Variants in LARP1B observed in about 807,000 individuals in gnomAD.
LARP1B encodes the protein la-related protein 1B.
LARP1B carries 76 observed loss-of-function variants against 114.2 expected under a neutral mutation model. The ratio of observed to expected loss-of-function variants is 0.67; its 90% CI spans 0.55 to 0.81. The LOEUF is 0.81. Among genes scored for constraint, LARP1B ranks in the 30% least tolerant of loss-of-function variants. The pLI is 0.00. For synonymous variants in LARP1B, 345 were observed against 348.0 expected (o/e 0.99, Z 0.10); for missense variants, 1,014 against 1,075.8 (o/e 0.94, Z 0.80).
intron 1 of LARP1B, among the ~76,000 whole-genome samples, chr4:128,072,592 T>A (rs1765809670): frequency 6.6e-6 from 1 of 152,064 alleles, no homozygotes; most frequent in Non-Finnish European, 1.5e-5. Flanking sequence ...AGTCTCACTC[T>A]GTTGCCCAGG....
chr4:128,206,611 A>G (rs1757660455), intron 18 of LARP1B, 74 bp downstream of exon 18: 1 of 1,507,950 alleles, frequency 6.6e-7, no homozygotes, highest in South Asian at 1.4e-5. Flanking sequence ...ATAGGGAAGG[A>G]GTTCATAGTT....
At chr4:128,175,212 A>G (rs902604319) in intron 12 of LARP1B, among the ~76,000 whole-genome samples, 3 of 152,136 alleles carry the variant, frequency 2.0e-5, no homozygotes, top group Non-Finnish European at 4.4e-5. Flanking sequence ...TAGATATAGG[A>G]CTGAGTATAT....
chr4:128,158,917 C>T (rs747793634), intron 11 of LARP1B, among the ~76,000 whole-genome samples: 7 of 151,962 alleles, frequency 4.6e-5, no homozygotes, highest in Middle Eastern at 3.2e-3. Flanking sequence ...TGCCTGTAAT[C>T]CCAGCTGTTC....
intron 11 of LARP1B, among the ~76,000 whole-genome samples, chr4:128,131,952 C>A (rs9991706): frequency 6.6e-6 from 1 of 152,170 alleles, no homozygotes; most frequent in Admixed American, 6.5e-5. Flanking sequence ...TTATACTCTG[C>A]TGCTGGGAAT....
intron 1 of LARP1B, among the ~76,000 whole-genome samples, chr4:128,068,356 C>T (rs1763882825): frequency 6.6e-6 from 1 of 151,428 alleles, no homozygotes; most frequent in African/African-American, 2.4e-5. Context: ...ACTTTGTCAC[C>T]CAGGCTAGCG....
intron 13 of LARP1B, among the ~76,000 whole-genome samples, chr4:128,177,952 T>C (rs1254135809): frequency 1.3e-5 from 2 of 151,758 alleles, no homozygotes; most frequent in Non-Finnish European, 2.9e-5. Flanking sequence ...AATTGTGATA[T>C]ATTTGTACAC....
intron 11 of LARP1B, chr4:128,156,232 GC>G: frequency 6.8e-7 from 1 of 1,467,978 alleles, no homozygotes; most frequent in Non-Finnish European, 9.4e-7. Flanking sequence ...CCCTGCAGGT[GC>G]CACCCTAAGC....
chr4:128,214,611 A>G (rs1759397555), downstream of LARP1B, among the ~76,000 whole-genome samples: 1 of 142,202 alleles, frequency 7.0e-6, no homozygotes, highest in Admixed American at 7.1e-5. Context: ...ACTAACAACC[A>G]GAAAGGACAT....
At chr4:128,087,621 A>G (rs1006737927) in intron 5 of LARP1B, among the ~76,000 whole-genome samples, 3 of 152,190 alleles carry the variant, frequency 2.0e-5, no homozygotes, top group African/African-American at 7.2e-5. Context: ...GTCCTAAGAA[A>G]ATGCATCATC....
chr4:128,188,374 T>C (rs1453768941), intron 15 of LARP1B, among the ~76,000 whole-genome samples: 1 of 152,130 alleles, frequency 6.6e-6, no homozygotes, highest in Non-Finnish European at 1.5e-5. Flanking sequence ...TGCGCCTGGC[T>C]GGGTATTTCT....
At chr4:128,104,296 A>G (rs929216386) in intron 8 of LARP1B, among the ~76,000 whole-genome samples, 10 of 151,972 alleles carry the variant, frequency 6.6e-5, no homozygotes, top group Admixed American at 5.9e-4. Flanking sequence ...ACTTCACATA[A>G]ATGGTGTTAT....
intron 11 of LARP1B, among the ~76,000 whole-genome samples, chr4:128,154,468 T>A (rs1035693410): frequency 6.6e-6 from 1 of 152,238 alleles, no homozygotes; most frequent in African/African-American, 2.4e-5. Flanking sequence ...CAAGCAAGAA[T>A]TCATGAATTC....
At chr4:128,200,093 G>GA (rs946603504) in intron 16 of LARP1B, among the ~76,000 whole-genome samples, 9 of 151,122 alleles carry the variant, frequency 6.0e-5, no homozygotes, top group South Asian at 2.1e-4. Context: ...CTCAAAAAAA[G>GA]AAAAAAAAAT....
At chr4:128,096,804 G>C (rs919814377) in intron 7 of LARP1B, among the ~76,000 whole-genome samples, 3 of 151,914 alleles carry the variant, frequency 2.0e-5, no homozygotes, top group African/African-American at 7.3e-5. Flanking sequence ...GTTTCACCAT[G>C]TTAGCCAGGA....
rs1757886911 is a variant in LARP1B, at chr4:128,207,342, T to C, written c.2506T>C (p.Tyr836His). Residue 836 changes from tyrosine (Y) to histidine (H), a missense_variant, in exon 19 of 20, where the codon TAC becomes CAC. Transcript: ENST00000326639. ...TQSIDPKLQE[Y>H]LCSFKRLEDF... Reference sequence around the variant, plus strand: ...GTCTATTGACCCAAAACTTCAGGAATACCTCTGTAGTTTTAAGAGGTTAGA... The same window carrying C: ...GTCTATTGACCCAAAACTTCAGGAACACCTCTGTAGTTTTAAGAGGTTAGA... 1 of 1,557,540 alleles carries C rather than the reference T, an allele frequency of 6.4e-7. No individual in the cohort carries two copies. Among genetic ancestry groups the C allele is most frequent in the Admixed American group, 1.9e-5 (1 of 53,358 alleles).
At chr4:128,218,180 G>T (rs1759677899) in intron 6 of LARP1B, among the ~76,000 whole-genome samples, 1 of 118,864 alleles carries the variant, frequency 8.4e-6, no homozygotes, top group South Asian at 3.4e-4. Flanking sequence ...CCATGCTCAT[G>T]GGTAGGAAGA....
chr4:128,161,683 T>C (rs1268215327), intron 11 of LARP1B, among the ~76,000 whole-genome samples: 1 of 152,170 alleles, frequency 6.6e-6, no homozygotes, highest in African/African-American at 2.4e-5. Context: ...CTATTTAGAA[T>C]GTTTCTCCCT....
In LARP1B at chr4:128,178,584, C is replaced by G. The variant is rs1482570058; in HGVS notation, c.1838C>G (p.Pro613Arg). Residue 613 changes from proline (P) to arginine (R), a missense_variant, in exon 14 of 20, where the codon CCT becomes CGT. Transcript: ENST00000326639. ...KTPRTPRLQD[P>R]NKTPRFYPVV... ...CCTCGAACACCTAGGTTACAAGATC[C>G]TAACAAAACACCAAGATTTTATCCT... is the stretch of plus-strand genomic sequence containing the variant. 6.2e-7 allele frequency: 1 copy of G among 1,614,042 alleles called. No homozygotes were observed. Among genetic ancestry groups the G allele is most frequent in the African/African-American group, 1.3e-5 (1 of 74,996 alleles).
At chr4:128,091,600 T>TC in intron 7 of LARP1B, 88 bp downstream of exon 7, 2 of 335,144 alleles carry the variant, frequency 6.0e-6, no homozygotes, top group East Asian at 2.0e-4. Context: ...TATGCTATAA[T>TC]TTTTTTTTTT....
Sources: allele counts gnomAD v4.1 joint callset (sites outside exome capture counted in the v4.1 genomes callset), GRCh38; gene constraint gnomAD v4.1.1; transcripts MANE v1.5; gene names NCBI Gene and HGNC (gene_info 2026-07-23, HGNC 2026-07-21).